The following VEZT variants were observed in gnomAD, a reference collection of about 807,000 sequenced individuals.
VEZT encodes vezatin.
In VEZT, 39 loss-of-function variants were observed where a neutral mutation model predicts 79.9. That is an observed-to-expected ratio of 0.49 (90% CI 0.38 to 0.64). VEZT has a LOEUF of 0.64. Ranked by LOEUF, VEZT falls within the 30% of genes least tolerant of loss-of-function variation. The probability of loss-of-function intolerance (pLI) is 0.00; values close to 1 mark genes in which losing one functional copy is unlikely to be tolerated. For synonymous variants in VEZT, 325 were observed against 327.6 expected (o/e 0.99, Z 0.09); for missense variants, 837 against 893.1 (o/e 0.94, Z 0.80).
intron 10 of VEZT, among the ~76,000 whole-genome samples, 176 bp downstream of exon 10, chr12:95,294,548 A>G (rs529979282): frequency 6.6e-6 from 1 of 152,262 alleles, no homozygotes; most frequent in East Asian, 1.9e-4. Context: ...CTAATTGTCT[A>G]TATCTGAGTG....
chr12:95,286,155 G>A (rs2070780397), intron 8 of VEZT, among the ~76,000 whole-genome samples: 1 of 151,882 alleles, frequency 6.6e-6, no homozygotes, highest in South Asian at 2.1e-4. Context: ...ACCATGCCCA[G>A]CTAATTTTTA....
At chr12:95,281,232 G>A (rs986358352) in intron 7 of VEZT, among the ~76,000 whole-genome samples, 1 of 152,026 alleles carries the variant, frequency 6.6e-6, no homozygotes, top group Admixed American at 6.6e-5. Flanking sequence ...TCTCAGGAAC[G>A]GGCCTATGAA....
Position 95,301,064 on chromosome 12 carries a change from G to A in VEZT, c.*391G>A, listed in dbSNP as rs544214232. 6.5e-6 allele frequency: 1 copy of A among 154,176 alleles called. No individual in the cohort carries two copies. Among genetic ancestry groups the A allele is most frequent in the East Asian group, 1.9e-4 (1 of 5,232 alleles). 9.6% of individuals were successfully genotyped at this position (154,176 alleles called of 1,614,324 possible). A position where few individuals can be genotyped will look rare whatever the true frequency, so the allele number is the denominator to read the frequency against. On this transcript the variant is annotated 3_prime_UTR_variant, in exon 12 of 12. Transcript: ENST00000436874. ...TATGACTCCTTTTTACTGTATTCTT[G>A]CAGTTAATAACTGCAGCTATTATGT... is the stretch of plus-strand genomic sequence containing the variant.
In VEZT at chr12:95,257,254, CT is replaced by C; in HGVS notation, c.258+20del. On this transcript the variant is annotated intron_variant, in intron 3 of 11. Coordinates refer to ENST00000436874, the MANE Select transcript of VEZT (RefSeq NM_017599.4). ...TTCACAAGTTGGTAAGTGGTCACTT[CT>C]TTTTGCCACTTTTCAGGGTTCTAGG... The C allele has an allele frequency of 6.4e-7, 1 of 1,564,938 alleles. No homozygotes were observed. Among genetic ancestry groups the C allele is most frequent in the South Asian group, 1.2e-5 (1 of 85,706 alleles).
chr12:95,285,085 C>CAAAAA (rs1165581329), intron 8 of VEZT, among the ~76,000 whole-genome samples: 27 of 44,554 alleles, frequency 6.1e-4, no homozygotes, highest in South Asian at 1.8e-3. Context: ...GACTCTGTCT[C>CAAAAA]AAAAAAAAAA....
intron 1 of VEZT, among the ~76,000 whole-genome samples, chr12:95,230,489 C>G: frequency 6.7e-6 from 1 of 149,620 alleles, no homozygotes; most frequent in African/African-American, 2.5e-5. Context: ...GCAATCATAG[C>G]TCACTGCAGC....
chr12:95,271,836 A>G (rs2066664766), intron 6 of VEZT, among the ~76,000 whole-genome samples: 2 of 152,192 alleles, frequency 1.3e-5, no homozygotes, highest in African/African-American at 4.8e-5. Context: ...TGAACAAGAT[A>G]GACAAGATCC....
In VEZT at chr12:95,248,734, TC is replaced by T. The variant is rs1400629223; in HGVS notation, c.37-3203del. On this transcript the variant is annotated intron_variant, in intron 1 of 11. Transcript: ENST00000436874. ...AGGGCACGATGGCTTGCACCTGTAGTCCCAGCTACTCACGAGGCTGAAGCCA... is the reference window on the plus strand; with the variant it reads ...AGGGCACGATGGCTTGCACCTGTAGTCCAGCTACTCACGAGGCTGAAGCCA... Among the ~76,000 whole-genome samples the T allele has an allele frequency of 4.7e-5, 7 of 149,456 alleles. No individual in the cohort carries two copies. In the Admixed American group the frequency reaches 4.7e-4, roughly 10 times the overall value.
At chr12:95,261,981 A>G (rs1283898812) in intron 3 of VEZT, among the ~76,000 whole-genome samples, 1 of 152,208 alleles carries the variant, frequency 6.6e-6, no homozygotes. Context: ...TGCACAATCT[A>G]TTAATAATAT....
Position 95,217,903 on chromosome 12 carries a change from G to A in VEZT, c.36+17G>A, listed in dbSNP as rs2056919798. On this transcript the variant is annotated intron_variant, in intron 1 of 11. Coordinates refer to ENST00000436874, the MANE Select transcript of VEZT (RefSeq NM_017599.4). Reference sequence around the variant, plus strand: ...GTTTTTGAGGTAAGAGGAAAATGGCGGTGGGTGTGGATTGCCTTTGTTTGA... The same window carrying A: ...GTTTTTGAGGTAAGAGGAAAATGGCAGTGGGTGTGGATTGCCTTTGTTTGA... 4 of 1,505,512 alleles carry A rather than the reference G, an allele frequency of 2.7e-6. No individual in the cohort carries two copies. In the African/African-American group the frequency reaches 4.4e-5, roughly 17 times the overall value. 93.3% of individuals were successfully genotyped at this position (1,505,512 alleles called of 1,614,324 possible).
chr12:95,234,811 G>T (rs1462685906), intron 1 of VEZT, among the ~76,000 whole-genome samples: 1 of 152,132 alleles, frequency 6.6e-6, no homozygotes, highest in Non-Finnish European at 1.5e-5. Context: ...GCGGCCTTCC[G>T]CAGTGTTTGT....
At chr12:95,257,633 C>T (rs1476878745) in intron 3 of VEZT, among the ~76,000 whole-genome samples, 1 of 152,060 alleles carries the variant, frequency 6.6e-6, no homozygotes, top group Non-Finnish European at 1.5e-5. Context: ...TTTTGTGAGG[C>T]TTTGTTTTTT....
chr12:95,221,270 CA>C (rs1203024833), intron 1 of VEZT, among the ~76,000 whole-genome samples: 9 of 152,194 alleles, frequency 5.9e-5, no homozygotes, highest in Admixed American at 2.0e-4. Flanking sequence ...CTGAGAGTTC[CA>C]CATCTGCAGA....
chr12:95,239,181 G>C (rs1463615869), intron 1 of VEZT, among the ~76,000 whole-genome samples: 1 of 152,042 alleles, frequency 6.6e-6, no homozygotes, highest in African/African-American at 2.4e-5. Flanking sequence ...ATATCTTTTT[G>C]TATTTTTTAA....
At chr12:95,288,881 C>G (rs939276013) in intron 9 of VEZT, among the ~76,000 whole-genome samples, 1 of 151,866 alleles carries the variant, frequency 6.6e-6, no homozygotes, top group Non-Finnish European at 1.5e-5. Flanking sequence ...TGTACATTTT[C>G]TACAAATAGA....
At chr12:95,234,646 GT>G (rs1350646735) in intron 1 of VEZT, among the ~76,000 whole-genome samples, 1 of 151,830 alleles carries the variant, frequency 6.6e-6, no homozygotes, top group Non-Finnish European at 1.5e-5. Flanking sequence ...TTTGAAAGTA[GT>G]TTTGTTTTTT....
chr12:95,297,191 A>G (rs957709555), intron 11 of VEZT, among the ~76,000 whole-genome samples: 3 of 152,212 alleles, frequency 2.0e-5, no homozygotes, highest in Admixed American at 6.5e-5. Flanking sequence ...GAGACAGGGA[A>G]GGAATCAGGG....
Position 95,287,584 on chromosome 12 carries a change from A to G in VEZT, c.1329-80A>G, listed in dbSNP as rs1007192047. ...TCCCAAAGTGCTGAGATTTAAGCTT[A>G]TTTTAAAATAAGCCTCGTAAATTAT... On this transcript the variant is annotated intron_variant, in intron 8 of 11. Coordinates refer to ENST00000436874, the MANE Select transcript of VEZT (RefSeq NM_017599.4). The G allele has an allele frequency of 3.0e-6, 4 of 1,312,978 alleles. No individual in the cohort carries two copies. In the African/African-American group the frequency reaches 4.5e-5, roughly 15 times the overall value. The allele number at this position is 1,312,978 out of a possible 1,614,324, so 81.3% of individuals were successfully genotyped here. A position where few individuals can be genotyped will look rare whatever the true frequency, so the allele number is the denominator to read the frequency against.
intron 3 of VEZT, among the ~76,000 whole-genome samples, chr12:95,258,969 A>G (rs2138202871): frequency 6.6e-6 from 1 of 152,272 alleles, no homozygotes; most frequent in African/African-American, 2.4e-5. Context: ...GTACTTTCTC[A>G]TGCCACTTCC....
Sources: allele counts gnomAD v4.1 joint callset (sites outside exome capture counted in the v4.1 genomes callset), GRCh38; gene constraint gnomAD v4.1.1; transcripts MANE v1.5; gene names NCBI Gene and HGNC (gene_info 2026-07-23, HGNC 2026-07-21).